Variants in GLRA3 observed in about 807,000 individuals in gnomAD.
GLRA3 encodes the protein glycine receptor alpha 3.
Under a neutral mutation model 60.4 loss-of-function variants are expected in GLRA3, and 44 were observed. That is an observed-to-expected ratio of 0.73 (90% CI 0.57 to 0.94). The LOEUF (loss-of-function observed/expected upper bound fraction) is 0.94, where lower values mean the gene tolerates loss of function less well. Ranked by LOEUF, GLRA3 falls within the 40% of genes least tolerant of loss-of-function variation. The pLI is 0.00. For missense variants in GLRA3, 508 were observed against 564.6 expected, an observed-to-expected ratio of 0.90 and a Z score of 1.02; for synonymous variants, 223 against 192.9, an observed-to-expected ratio of 1.16 and a Z score of -1.29.
chr4:174,714,886 A>G (rs1561072956), intron 5 of GLRA3, among the ~76,000 whole-genome samples: 1 of 152,240 alleles, frequency 6.6e-6, no homozygotes, highest in Non-Finnish European at 1.5e-5. Context: ...GAAGAAATGT[A>G]GAGGAATACC....
chr4:174,664,928 C>A (rs776154670), intron 7 of GLRA3, among the ~76,000 whole-genome samples: 1 of 152,156 alleles, frequency 6.6e-6, no homozygotes. Context: ...GAAAGACAGA[C>A]AAGCTCTATT....
intron 1 of GLRA3, among the ~76,000 whole-genome samples, chr4:174,816,684 G>A (rs1459149155): frequency 6.8e-6 from 1 of 147,074 alleles, no homozygotes; most frequent in Non-Finnish European, 1.5e-5. Context: ...TTTTTGAAAT[G>A]TGCTATAGCA....
intron 5 of GLRA3, among the ~76,000 whole-genome samples, chr4:174,699,212 G>A (rs905357131): frequency 2.0e-5 from 3 of 152,064 alleles, no homozygotes; most frequent in Non-Finnish European, 2.9e-5. Flanking sequence ...ATATTGGTCA[G>A]GCTGGTCTCG....
chr4:174,781,110 C>G (rs1212475111), intron 2 of GLRA3, among the ~76,000 whole-genome samples: 2 of 152,230 alleles, frequency 1.3e-5, no homozygotes, highest in East Asian at 3.9e-4. Context: ...TTATAACAAA[C>G]TATCTCTCAG....
At chr4:174,765,249 T>A (rs1738095682) in intron 3 of GLRA3, among the ~76,000 whole-genome samples, 1 of 151,994 alleles carries the variant, frequency 6.6e-6, no homozygotes, top group Admixed American at 6.6e-5. Flanking sequence ...TTATAACAGT[T>A]TTAGTGGTAG....
chr4:174,763,539 A>C (rs1055369210), intron 3 of GLRA3, among the ~76,000 whole-genome samples: 1 of 152,224 alleles, frequency 6.6e-6, no homozygotes, highest in Non-Finnish European at 1.5e-5. Context: ...TATATTTCCA[A>C]AGAAAACCTT....
At chr4:174,822,434 A>G (rs1438437453) in intron 1 of GLRA3, among the ~76,000 whole-genome samples, 1 of 152,218 alleles carries the variant, frequency 6.6e-6, no homozygotes, top group African/African-American at 2.4e-5. Context: ...ACATATAGGA[A>G]AAAATAGTTC....
At chr4:174,667,527 A>G (rs1465465167) in intron 7 of GLRA3, among the ~76,000 whole-genome samples, 1 of 152,174 alleles carries the variant, frequency 6.6e-6, no homozygotes. Flanking sequence ...CAAAAATTTC[A>G]TAAAACGATA....
At chr4:174,815,068 C>T (rs1480444727) in intron 1 of GLRA3, among the ~76,000 whole-genome samples, 1 of 152,184 alleles carries the variant, frequency 6.6e-6, no homozygotes, top group Admixed American at 6.5e-5. Flanking sequence ...GGGTTATAGG[C>T]ACTGGGTAAA....
chr4:174,712,137 C>T (rs1385889042), intron 5 of GLRA3, among the ~76,000 whole-genome samples: 2 of 152,088 alleles, frequency 1.3e-5, no homozygotes, highest in East Asian at 3.9e-4. Context: ...AATTTTGTAT[C>T]ATCCATGGTT....
intron 9 of GLRA3, among the ~76,000 whole-genome samples, chr4:174,652,991 C>T (rs1198291365): frequency 6.6e-6 from 1 of 152,094 alleles, no homozygotes; most frequent in African/African-American, 2.4e-5. Flanking sequence ...GCATTAAACA[C>T]ATTATTTGCA....
intron 5 of GLRA3, 78 bp from the exon 6 acceptor site, chr4:174,683,017 A>T: frequency 8.7e-7 from 1 of 1,155,400 alleles, no homozygotes; most frequent in South Asian, 1.3e-5. Flanking sequence ...CTTTATAGTC[A>T]CATAGGATGA....
chr4:174,654,696 T>G (rs999713434), intron 9 of GLRA3, among the ~76,000 whole-genome samples: 1 of 152,112 alleles, frequency 6.6e-6, no homozygotes, highest in Non-Finnish European at 1.5e-5. Flanking sequence ...GGAAATACCT[T>G]GGCATGTCTT....
Position 174,797,363 on chromosome 4 carries a change from A to G in GLRA3, c.72-8420T>C, listed in dbSNP as rs549057080. 3.3e-5 allele frequency among the ~76,000 whole-genome samples: 5 copies of G among 152,152 alleles called. No individual in the cohort carries two copies. The East Asian group carries it at 7.7e-4, about 24-fold the overall frequency. ...GTCTTTTATTTATGAATCTCCTCAA[A>G]ATCTGTGGTAATTAGCTTGCCTCCC... On this transcript the variant is annotated intron_variant, in intron 1 of 9. Coordinates refer to ENST00000274093, the MANE Select transcript of GLRA3 (RefSeq NM_006529.4).
intron 5 of GLRA3, among the ~76,000 whole-genome samples, chr4:174,702,734 AT>A (rs1255393473): frequency 6.6e-6 from 1 of 152,098 alleles, no homozygotes; most frequent in South Asian, 2.1e-4. Context: ...CACCTGGATA[AT>A]TTTTTAATTT....
chr4:174,652,001 G>A (rs932806338), intron 9 of GLRA3, among the ~76,000 whole-genome samples: 1 of 151,978 alleles, frequency 6.6e-6, no homozygotes, highest in Middle Eastern at 3.4e-3. Flanking sequence ...TGAGCCCCTG[G>A]ACCTTAAAAA....
chr4:174,804,449 T>C (rs1445648249), intron 1 of GLRA3, among the ~76,000 whole-genome samples: 2 of 151,846 alleles, frequency 1.3e-5, no homozygotes, highest in East Asian at 3.9e-4. Flanking sequence ...AGGAAGAGAG[T>C]TGAGGGTAGT....
At chr4:174,648,855 C>T (rs1292709064) in intron 9 of GLRA3, among the ~76,000 whole-genome samples, 1 of 152,118 alleles carries the variant, frequency 6.6e-6, no homozygotes, top group Non-Finnish European at 1.5e-5. Flanking sequence ...AAAAAGAACA[C>T]AGCAAAAATT....
At chr4:174,818,599 A>C (rs1475327271) in intron 1 of GLRA3, among the ~76,000 whole-genome samples, 2 of 152,176 alleles carry the variant, frequency 1.3e-5, no homozygotes, top group African/African-American at 4.8e-5. Context: ...AGATACCCTA[A>C]ATTTCAGAGA....
Sources: gnomAD v4.1 joint callset for allele counts (sites outside exome capture counted in the v4.1 genomes callset) on GRCh38, gnomAD v4.1.1 for gene constraint, MANE v1.5 for transcripts, NCBI Gene and HGNC (gene_info 2026-07-23, HGNC 2026-07-21) for gene names.